The following GPC6 variants were observed in gnomAD, a reference collection of about 807,000 sequenced individuals.
GPC6 encodes glypican 6.
GPC6 carries 14 observed loss-of-function variants against 55.2 expected under a neutral mutation model. The observed-to-expected ratio is 0.25, with a 90% CI of 0.17 to 0.40. The LOEUF is 0.40. Among genes scored for constraint, GPC6 ranks in the 10% least tolerant of loss-of-function variants. The pLI, the probability that GPC6 is intolerant of heterozygous loss-of-function variation, is 1.00. For missense variants in GPC6, 641 were observed against 708.5 expected (o/e 0.90, Z 1.08); for synonymous variants, 278 against 259.6 (o/e 1.07, Z -0.68).
intron 6 of GPC6, among the ~76,000 whole-genome samples, chr13:94,365,668 T>C (rs1352473234): frequency 6.6e-6 from 1 of 152,246 alleles, no homozygotes; most frequent in Non-Finnish European, 1.5e-5. Context: ...TATTTTCCTA[T>C]GCTGCATCTA....
chr13:94,311,045 TTTCAGAGCA>T (rs562221029), intron 6 of GPC6, among the ~76,000 whole-genome samples: 84 of 152,294 alleles, frequency 5.5e-4, no homozygotes, highest in African/African-American at 1.9e-3. Context: ...TCCTGATATC[TTTCAGAGCA>T]TTCAGAGCAT....
intron 5 of GPC6, among the ~76,000 whole-genome samples, chr13:94,304,423 T>C (rs930958336): frequency 3.9e-5 from 6 of 152,156 alleles, no homozygotes; most frequent in African/African-American, 1.4e-4. Flanking sequence ...TGATGAAAAA[T>C]GGTTGTTTTA....
At chr13:93,755,439 G>T (rs1400127904) in intron 2 of GPC6, among the ~76,000 whole-genome samples, 1 of 152,144 alleles carries the variant, frequency 6.6e-6, no homozygotes, top group Admixed American at 6.6e-5. Context: ...TACAGATTAT[G>T]TGGCAGGAAT....
intron 2 of GPC6, among the ~76,000 whole-genome samples, chr13:93,575,757 A>G (rs1876634487): frequency 1.3e-5 from 2 of 152,152 alleles, no homozygotes; most frequent in Non-Finnish European, 2.9e-5. Flanking sequence ...AGAATATTGC[A>G]TCTGCCAAGA....
chr13:94,318,282 C>T (rs932344081), intron 6 of GPC6, among the ~76,000 whole-genome samples: 2 of 152,084 alleles, frequency 1.3e-5, no homozygotes, highest in Admixed American at 1.3e-4. Flanking sequence ...TGCAGTAGCT[C>T]CCCTTTATCC....
At chr13:93,535,044 G>T (rs1351311737) in intron 1 of GPC6, among the ~76,000 whole-genome samples, 3 of 151,980 alleles carry the variant, frequency 2.0e-5, no homozygotes, top group Non-Finnish European at 4.4e-5. Flanking sequence ...GATGAATAAG[G>T]GTATAGCTAT....
chr13:93,633,212 T>C (rs537776242), intron 2 of GPC6, among the ~76,000 whole-genome samples: 3 of 152,298 alleles, frequency 2.0e-5, no homozygotes, highest in South Asian at 4.1e-4. Context: ...CTGAGTTTTA[T>C]AGAAGAAAGA....
intron 3 of GPC6, among the ~76,000 whole-genome samples, chr13:94,009,529 A>G (rs1466887963): frequency 6.6e-6 from 1 of 152,148 alleles, no homozygotes; most frequent in Non-Finnish European, 1.5e-5. Flanking sequence ...TGTGACTTGT[A>G]AGAAGTTGGC....
chr13:93,939,785 T>G (rs559206536), intron 3 of GPC6, among the ~76,000 whole-genome samples: 1 of 152,238 alleles, frequency 6.6e-6, no homozygotes, highest in South Asian at 2.1e-4. Context: ...AAACACTCTT[T>G]CTTTTTTTTA....
chr13:94,131,973 A>G (rs1887019029), intron 4 of GPC6, among the ~76,000 whole-genome samples: 1 of 152,198 alleles, frequency 6.6e-6, no homozygotes, highest in Non-Finnish European at 1.5e-5. Flanking sequence ...GAGAGAAATA[A>G]TGACAGATTT....
chr13:93,465,898 G>A (rs762247729), intron 1 of GPC6, among the ~76,000 whole-genome samples: 1 of 152,010 alleles, frequency 6.6e-6, no homozygotes, highest in Admixed American at 6.6e-5. Flanking sequence ...CTTAGAGGCC[G>A]TTGCCAGATT....
intron 3 of GPC6, among the ~76,000 whole-genome samples, chr13:93,998,826 C>G (rs1881671279): frequency 6.6e-6 from 1 of 152,070 alleles, no homozygotes; most frequent in African/African-American, 2.4e-5. Flanking sequence ...CATTACCTCA[C>G]ATACCTATCT....
At chr13:93,327,187 C>A (rs564923673) in intron 1 of GPC6, among the ~76,000 whole-genome samples, 1 of 152,234 alleles carries the variant, frequency 6.6e-6, no homozygotes, top group African/African-American at 2.4e-5. Flanking sequence ...TTACCTCTAT[C>A]TTTTTAATAA....
At chr13:93,692,609 AT>A (rs1252313277) in intron 2 of GPC6, among the ~76,000 whole-genome samples, 1 of 151,878 alleles carries the variant, frequency 6.6e-6, no homozygotes, top group Admixed American at 6.6e-5. Flanking sequence ...AAATATAGAA[AT>A]TTTCCTTCTA....
chr13:93,571,726 C>T (rs551087405), intron 2 of GPC6, among the ~76,000 whole-genome samples: 3 of 152,180 alleles, frequency 2.0e-5, no homozygotes, highest in South Asian at 2.1e-4. Context: ...ATTTGAAGGT[C>T]GTGATAACCT....
Position 94,254,890 on chromosome 13 carries a change from C to T in GPC6, c.878-31459C>T, listed in dbSNP as rs1380589428. 2.0e-5 allele frequency among the ~76,000 whole-genome samples: 3 copies of T among 152,086 alleles called. No individual in the cohort carries two copies. The East Asian group carries it at 5.8e-4, about 29-fold the overall frequency. On this transcript the variant is annotated intron_variant, in intron 4 of 8. Transcript: ENST00000377047. ...TCTGCAACATAAGCTTACCCTGAAT[C>T]ATCACAAAAGCTCCTTATGCTCTAA... is the stretch of plus-strand genomic sequence containing the variant.
chr13:94,149,774 C>A (rs1364488011), intron 4 of GPC6, among the ~76,000 whole-genome samples: 1 of 151,972 alleles, frequency 6.6e-6, no homozygotes, highest in African/African-American at 2.4e-5. Context: ...TCCCAGTTGG[C>A]CAAACCTGCA....
chr13:93,993,430 A>T (rs900254579), intron 3 of GPC6, among the ~76,000 whole-genome samples: 4 of 151,836 alleles, frequency 2.6e-5, no homozygotes, highest in Non-Finnish European at 5.9e-5. Flanking sequence ...AGTAGCTGGA[A>T]TTACAGGCAT....
chr13:94,016,915 A>G (rs2138706342), intron 3 of GPC6, among the ~76,000 whole-genome samples: 1 of 151,224 alleles, frequency 6.6e-6, no homozygotes, highest in East Asian at 1.9e-4. Context: ...GCTCACTGCA[A>G]CCTCCGCCTC....
Sources: allele counts gnomAD v4.1 joint callset (sites outside exome capture counted in the v4.1 genomes callset), GRCh38; gene constraint gnomAD v4.1.1; transcripts MANE v1.5; gene names NCBI Gene and HGNC (gene_info 2026-07-23, HGNC 2026-07-21).